Variants in LRP4 observed in about 807,000 individuals in gnomAD.
The protein encoded by LRP4 is low-density lipoprotein receptor-related protein 4.
In LRP4, 95 loss-of-function variants were observed where a neutral mutation model predicts 220.3. The observed-to-expected ratio is 0.43, with a 90% CI of 0.37 to 0.51. The LOEUF is 0.51. Among genes scored for constraint, LRP4 ranks in the 20% least tolerant of loss-of-function variants. LRP4 has a pLI of 0.00. For missense variants in LRP4, 1,925 were observed against 2,567.0 expected (o/e 0.75, Z 5.40); for synonymous variants, 903 against 954.6 (o/e 0.95, Z 1.00).
chr11:46,884,612 C>CG (rs1941239019), intron 18 of LRP4, among the ~76,000 whole-genome samples: 1 of 151,988 alleles, frequency 6.6e-6, no homozygotes, highest in African/African-American at 2.4e-5. Flanking sequence ...TGGCGGGCAC[C>CG]TGTAGTCCCA....
chr11:46,914,775 TAAA>T (rs1386352734), intron 1 of LRP4, among the ~76,000 whole-genome samples: 1 of 151,986 alleles, frequency 6.6e-6, no homozygotes, highest in African/African-American at 2.4e-5. Context: ...TACCCAATCA[TAAA>T]AAAGACAAGA....
intron 16 of LRP4, 124 bp from the exon 17 acceptor site, chr11:46,886,657 C>G (rs949171243): frequency 1.2e-6 from 1 of 804,588 alleles, no homozygotes; most frequent in Non-Finnish European, 2.1e-6. Flanking sequence ...GCCCTTTGCC[C>G]CCTATACTTT....
At chr11:46,868,744 G>T in intron 32 of LRP4, 31 bp from the exon 33 acceptor site, 1 of 1,497,496 alleles carries the variant, frequency 6.7e-7, no homozygotes, top group South Asian at 1.1e-5. Context: ...TGTCTTATCT[G>T]GGACAGAATC....
At chr11:46,907,744 G>T (rs112442973) in intron 1 of LRP4, among the ~76,000 whole-genome samples, 1,916 of 152,280 alleles carry the variant, frequency 0.013, 26 homozygotes, top group Admixed American at 0.02. Flanking sequence ...TCAGAGAGAT[G>T]AAGGTTCAAA....
At chr11:46,906,913 C>T (rs1336422108) in intron 1 of LRP4, among the ~76,000 whole-genome samples, 2 of 152,186 alleles carry the variant, frequency 1.3e-5, no homozygotes, top group African/African-American at 4.8e-5. Context: ...CGGGCAGCCA[C>T]CGGTCAGGCA....
rs1940910328 is a variant in LRP4, at chr11:46,873,010, T to A, written c.4583+90A>T. On this transcript the variant is annotated intron_variant, in intron 30 of 37. Coordinates refer to ENST00000378623, the MANE Select transcript of LRP4 (RefSeq NM_002334.4). The surrounding 1 kb of genome is among the most constrained non-coding windows in gnomAD (Gnocchi z 4.2). ...CTCTTCCCCACATACCAAGAAGCTT[T>A]CTATCTTTTCATTTTTCCAAGGTTA... 5 of 1,551,166 alleles carry A rather than the reference T, an allele frequency of 3.2e-6. No homozygotes were observed. The highest frequency in any genetic ancestry group is 4.4e-6 in the Non-Finnish European group (5 of 1,124,824).
chr11:46,895,859 T>C, intron 10 of LRP4, 25 bp downstream of exon 10: 1 of 1,609,650 alleles, frequency 6.2e-7, no homozygotes, highest in Non-Finnish European at 8.5e-7. Context: ...ACCCCGACTC[T>C]GCTGCAAACC....
At chr11:46,860,727 A>T (rs1188355314) in intron 37 of LRP4, among the ~76,000 whole-genome samples, 1 of 152,216 alleles carries the variant, frequency 6.6e-6, no homozygotes, top group African/African-American at 2.4e-5. Context: ...CCCCTCAGCC[A>T]TGCAGAGTGG....
chr11:46,915,804 A>C (rs546500880), intron 1 of LRP4, among the ~76,000 whole-genome samples: 1 of 152,204 alleles, frequency 6.6e-6, no homozygotes, highest in African/African-American at 2.4e-5. Flanking sequence ...TCAGCCTCCC[A>C]AAATCACCTT....
rs200914006 is a variant in LRP4 at position 46,902,929 on chromosome 11, C to T, written c.53G>A (p.Gly18Asp). Residue 18 changes from glycine to aspartate, a missense_variant and splice_region_variant, in exon 2 of 38, where the codon GGC (glycine) becomes GAC (aspartate). Around this residue, in one of 3 missense-constraint regions of LRP4, gnomAD observed 412 missense variants for 505.4 expected, o/e 0.82. Coordinates refer to ENST00000378623, the MANE Select transcript of LRP4 (RefSeq NM_002334.4). ...AGCACACTCGGGGCTGCTGGCCAGG[C>T]CTGGGCGGAGGGAAAAGGAATCAGT... ...LLLGALLCAHGLASSPECACG... is the reference protein window; with the variant it reads ...LLLGALLCAHDLASSPECACG... 1 of 1,614,018 alleles carries T rather than the reference C, an allele frequency of 6.2e-7. No homozygotes were observed. The highest frequency in any genetic ancestry group is 1.3e-5 in the African/African-American group (1 of 75,056).
chr11:46,908,209 C>G (rs561609298), intron 1 of LRP4, among the ~76,000 whole-genome samples: 1 of 152,164 alleles, frequency 6.6e-6, no homozygotes. Flanking sequence ...GGATTACAGG[C>G]GTGAGCCACT....
intron 32 of LRP4, 102 bp from the exon 33 acceptor site, chr11:46,868,815 G>C (rs1940776457): frequency 8.1e-7 from 1 of 1,229,100 alleles, no homozygotes. Context: ...CTACTCCCAG[G>C]GACAGGGGAG....
chr11:46,870,899 G>T (rs1717275210), intron 31 of LRP4, among the ~76,000 whole-genome samples: 1 of 152,176 alleles, frequency 6.6e-6, no homozygotes, highest in South Asian at 2.1e-4. Flanking sequence ...AATGCTTTGT[G>T]TCTATTTCAG....
Position 46,875,815 on chromosome 11 carries a change from C to T in LRP4, c.3688G>A (p.Ala1230Thr), listed in dbSNP as rs775073094. 5 of 1,613,986 alleles carry T rather than the reference C, an allele frequency of 3.1e-6. No homozygotes were observed. In the African/African-American group the frequency reaches 4.0e-5, roughly 13 times the overall value. Residue 1230 changes from alanine to threonine, a missense_variant, in exon 26 of 38, where the codon GCC becomes ACC. Ala to Thr is a moderately conservative substitution (Grantham distance 58). Transcript: ENST00000378623. This position sits in a 1 kb window ranked among gnomAD's most constrained non-coding sequence, Gnocchi z 4.5. Reference protein sequence around the residue: ...KASSQLLWADAHTERIEAADL... With the variant: ...KASSQLLWADTHTERIEAADL... ...GACACGGCTCTCACCTCGGTGTGGG[C>T]ATCGGCCCATAGCAGTTGGGAGCTG...
intron 22 of LRP4, among the ~76,000 whole-genome samples, 197 bp downstream of exon 22, chr11:46,878,710 T>A (rs1267727323): frequency 2.6e-5 from 4 of 152,176 alleles, no homozygotes; most frequent in Non-Finnish European, 5.9e-5. Context: ...CTGCCTCCAG[T>A]CCTTTCTACT....
intron 35 of LRP4, 35 bp downstream of exon 35, chr11:46,865,081 ATCT>A: frequency 1.3e-6 from 2 of 1,528,198 alleles, no homozygotes; most frequent in Non-Finnish European, 1.8e-6. Flanking sequence ...GATTCATTAC[ATCT>A]TCTTTTCCGG....
intron 32 of LRP4, 78 bp from the exon 33 acceptor site, chr11:46,868,791 A>T: frequency 2.3e-6 from 3 of 1,288,480 alleles, no homozygotes; most frequent in Non-Finnish European, 3.4e-6. Context: ...AAACAGAGGA[A>T]ATCCAGGATT....
At chr11:46,896,373 C>A in intron 8 of LRP4, 38 bp from the exon 9 acceptor site, 1 of 1,609,252 alleles carries the variant, frequency 6.2e-7, no homozygotes, top group Non-Finnish European at 8.5e-7. Context: ...CAAGGCAGGG[C>A]TTGGGCCAAC....
intron 16 of LRP4, among the ~76,000 whole-genome samples, chr11:46,886,851 C>T (rs1321298988): frequency 1.3e-5 from 2 of 152,194 alleles, no homozygotes; most frequent in Non-Finnish European, 2.9e-5. Flanking sequence ...CCACTGCCAA[C>T]CCCTGACCCC....
Sources: allele counts gnomAD v4.1 joint callset (sites outside exome capture counted in the v4.1 genomes callset), GRCh38; gene constraint gnomAD v4.1.1; regional missense constraint gnomAD v4.1.1; non-coding constraint Gnocchi (gnomAD v3.1); transcripts MANE v1.5; gene names NCBI Gene and HGNC (gene_info 2026-07-23, HGNC 2026-07-21).